The following AUTS2 variants were observed in gnomAD, a reference collection of about 807,000 sequenced individuals.
AUTS2 encodes the protein activator of transcription and developmental regulator AUTS2, also known as autism susceptibility gene 2 protein.
Under a neutral mutation model 112.4 loss-of-function variants are expected in AUTS2, and 17 were observed. The ratio of observed to expected loss-of-function variants is 0.15; its 90% CI spans 0.10 to 0.23. The LOEUF is 0.23. Ranked by LOEUF, AUTS2 falls within the 10% of genes least tolerant of loss-of-function variation. AUTS2 has a pLI of 1.00. For missense variants in AUTS2, 1,510 were observed against 1,701.6 expected (o/e 0.89, Z 1.98); for synonymous variants, 751 against 702.7 (o/e 1.07, Z -1.09).
intron 1 of AUTS2, among the ~76,000 whole-genome samples, chr7:69,695,005 G>T (rs980740373): frequency 6.6e-6 from 1 of 152,062 alleles, no homozygotes; most frequent in Admixed American, 6.5e-5. Context: ...CCTATGTTTT[G>T]TCATCATTTG....
chr7:70,757,214 C>T (rs1216410489), intron 6 of AUTS2, among the ~76,000 whole-genome samples: 1 of 152,134 alleles, frequency 6.6e-6, no homozygotes, highest in Admixed American at 6.6e-5. Flanking sequence ...GGTTCATTCC[C>T]AGGTGTTATG....
chr7:69,963,516 C>T (rs1356212703), intron 2 of AUTS2, among the ~76,000 whole-genome samples: 1 of 152,020 alleles, frequency 6.6e-6, no homozygotes, highest in East Asian at 1.9e-4. Context: ...GAGTGGAAGT[C>T]TAAGAAGTGA....
intron 2 of AUTS2, among the ~76,000 whole-genome samples, chr7:70,005,846 G>A (rs1799523221): frequency 6.6e-6 from 1 of 151,648 alleles, no homozygotes; most frequent in African/African-American, 2.4e-5. Context: ...ATGTTCCAAA[G>A]TTTTTTGAAA....
intron 2 of AUTS2, among the ~76,000 whole-genome samples, chr7:70,116,566 G>A (rs893315960): frequency 6.6e-6 from 1 of 152,132 alleles, no homozygotes; most frequent in Non-Finnish European, 1.5e-5. Flanking sequence ...TTTAGTTTGA[G>A]ATTTTCCACG....
rs1037570068 is a variant in AUTS2 at position 70,765,546 on chromosome 7, C to G, written c.1468+541C>G. 5.9e-5 allele frequency among the ~76,000 whole-genome samples: 9 copies of G among 152,284 alleles called. No individual in the cohort carries two copies. The East Asian group carries it at 1.5e-3, about 26-fold the overall frequency. ...GTCTCCTCACCTGTGTTAATCAGGT[C>G]AAGCGTCCCAGTTTTGGTCCAGTGT... is the stretch of plus-strand genomic sequence containing the variant. On this transcript the variant is annotated intron_variant, in intron 8 of 18. Coordinates refer to ENST00000342771, the MANE Select transcript of AUTS2 (RefSeq NM_015570.4).
At chr7:69,919,380 TGAA>T (rs1795718028) in intron 2 of AUTS2, among the ~76,000 whole-genome samples, 1 of 152,246 alleles carries the variant, frequency 6.6e-6, no homozygotes, top group Admixed American at 6.5e-5. Context: ...GTTGGCAGAC[TGAA>T]GAAGACAAAG....
At chr7:69,709,474 C>G (rs1286720525) in intron 1 of AUTS2, among the ~76,000 whole-genome samples, 1 of 152,128 alleles carries the variant, frequency 6.6e-6, no homozygotes, top group Non-Finnish European at 1.5e-5. Flanking sequence ...ACTGTAACTT[C>G]TCACCCTGTG....
intron 5 of AUTS2, among the ~76,000 whole-genome samples, chr7:70,539,845 G>A (rs1217348300): frequency 2.6e-5 from 4 of 152,128 alleles, no homozygotes; most frequent in Admixed American, 2.6e-4. Context: ...AAGAAAAAAA[G>A]TCTGCCAACA....
At chr7:70,647,269 A>G (rs1010322233) in intron 5 of AUTS2, among the ~76,000 whole-genome samples, 1 of 152,100 alleles carries the variant, frequency 6.6e-6, no homozygotes, top group East Asian at 1.9e-4. Flanking sequence ...ACAGCGAAAA[A>G]CACTAGACAC....
At chr7:69,726,136 C>A (rs1786501480) in intron 1 of AUTS2, among the ~76,000 whole-genome samples, 1 of 152,104 alleles carries the variant, frequency 6.6e-6, no homozygotes, top group South Asian at 2.1e-4. Context: ...GCACACTTAC[C>A]CATCAAGTTA....
At chr7:69,717,104 GCCT>G (rs1798653485) in intron 1 of AUTS2, among the ~76,000 whole-genome samples, 1 of 152,202 alleles carries the variant, frequency 6.6e-6, no homozygotes, top group East Asian at 1.9e-4. Flanking sequence ...TCAACTTTTA[GCCT>G]CCTCTCTTAT....
intron 1 of AUTS2, among the ~76,000 whole-genome samples, chr7:69,616,385 C>G (rs1243086004): frequency 1.3e-5 from 2 of 152,120 alleles, no homozygotes; most frequent in African/African-American, 4.8e-5. Flanking sequence ...TCTTCCTTTC[C>G]CCTCTTAGAA....
chr7:70,633,371 A>G (rs1805368475), intron 5 of AUTS2, among the ~76,000 whole-genome samples: 3 of 152,144 alleles, frequency 2.0e-5, no homozygotes, highest in Non-Finnish European at 4.4e-5. Flanking sequence ...TAAGCCCAGC[A>G]CTTTGGGAAG....
chr7:70,510,912 G>A (rs377200700), intron 5 of AUTS2, among the ~76,000 whole-genome samples: 81 of 152,112 alleles, frequency 5.3e-4, no homozygotes, highest in East Asian at 2.5e-3. Flanking sequence ...GCGATGGCGC[G>A]ATCTTGGCTC....
chr7:69,697,017 G>A lies in AUTS2; in HGVS notation c.309+97055G>A, dbSNP rs563988421. On this transcript the variant is annotated intron_variant, in intron 1 of 18. Transcript: ENST00000342771. ...AAGGGATAGGTTAGGAAGCTGTAAC[G>A]TATGTGTATGCACAGAAACTGTTGG... 7.9e-5 allele frequency among the ~76,000 whole-genome samples: 12 copies of A among 152,296 alleles called. No individual in the cohort carries two copies. The South Asian group carries it at 1.2e-3, about 16-fold the overall frequency.
intron 4 of AUTS2, among the ~76,000 whole-genome samples, chr7:70,379,519 G>A (rs1333863323): frequency 6.6e-6 from 1 of 151,536 alleles, no homozygotes; most frequent in East Asian, 1.9e-4. Flanking sequence ...AAAAAAGAAA[G>A]AAAGAAAAAC....
chr7:69,716,262 A>G (rs917853506), intron 1 of AUTS2, among the ~76,000 whole-genome samples: 6 of 151,516 alleles, frequency 4.0e-5, no homozygotes, highest in African/African-American at 1.5e-4. Flanking sequence ...GTGTGTGTGT[A>G]TAAGTTCAGC....
At chr7:70,397,642 A>G (rs1794146971) in intron 4 of AUTS2, among the ~76,000 whole-genome samples, 1 of 149,292 alleles carries the variant, frequency 6.7e-6, no homozygotes, top group Admixed American at 6.7e-5. Context: ...TATGTATACA[A>G]CTCCTTACAT....
At chr7:70,753,978 A>G (rs925674873) in intron 6 of AUTS2, among the ~76,000 whole-genome samples, 6 of 150,814 alleles carry the variant, frequency 4.0e-5, no homozygotes, top group Admixed American at 4.0e-4. Context: ...AACACGGTGA[A>G]ACCCCGTCTC....
Sources: gnomAD v4.1 joint callset for allele counts (sites outside exome capture counted in the v4.1 genomes callset) on GRCh38, gnomAD v4.1.1 for gene constraint, MANE v1.5 for transcripts, NCBI Gene and HGNC (gene_info 2026-07-23, HGNC 2026-07-21) for gene names.